Variants in CHRM2 observed in about 807,000 individuals in gnomAD.
CHRM2 encodes the protein muscarinic acetylcholine receptor M2.
In CHRM2, 8 loss-of-function variants were observed where a neutral mutation model predicts 25.0. The ratio of observed to expected loss-of-function variants is 0.32; its 90% CI spans 0.19 to 0.58. CHRM2 has a LOEUF of 0.58. CHRM2 is among the 20% of genes least tolerant of loss of function. CHRM2 has a pLI of 0.88. For missense variants in CHRM2, 440 were observed against 567.1 expected, an observed-to-expected ratio of 0.78 and a Z score of 2.28; for synonymous variants, 202 against 205.7, an observed-to-expected ratio of 0.98 and a Z score of 0.15.
intron 2 of CHRM2, among the ~76,000 whole-genome samples, chr7:136,883,271 G>A (rs1456203136): frequency 2.6e-5 from 4 of 152,116 alleles, no homozygotes; most frequent in African/African-American, 9.7e-5. Flanking sequence ...TTCAGCCTCC[G>A]GTGTCTCCCA....
At chr7:136,950,212 A>G (rs990498417) in intron 2 of CHRM2, among the ~76,000 whole-genome samples, 5 of 151,988 alleles carry the variant, frequency 3.3e-5, no homozygotes, top group African/African-American at 1.2e-4. Flanking sequence ...TGTTCTTTTT[A>G]TTAAGATCAT....
At chr7:136,966,243 G>A (rs935378637) in intron 2 of CHRM2, among the ~76,000 whole-genome samples, 10 of 151,408 alleles carry the variant, frequency 6.6e-5, no homozygotes, top group East Asian at 5.8e-4. Context: ...AAAAGAATGC[G>A]TTTTATTCTG....
At chr7:136,880,718 C>G (rs992118835) in intron 2 of CHRM2, among the ~76,000 whole-genome samples, 3 of 151,796 alleles carry the variant, frequency 2.0e-5, no homozygotes, top group Non-Finnish European at 4.4e-5. Context: ...CCCACACACA[C>G]CTACTCCCTT....
intron 2 of CHRM2, among the ~76,000 whole-genome samples, chr7:136,897,358 A>G (rs1785121211): frequency 6.6e-6 from 1 of 152,124 alleles, no homozygotes; most frequent in South Asian, 2.1e-4. Flanking sequence ...AGTTATCAGT[A>G]TATTAATCAC....
chr7:136,891,918 G>C (rs1796705524), intron 2 of CHRM2, among the ~76,000 whole-genome samples: 1 of 152,274 alleles, frequency 6.6e-6, no homozygotes, highest in Admixed American at 6.5e-5. Flanking sequence ...TCAGCACCTT[G>C]TCTGTTTCCC....
At chr7:136,950,107 G>A (rs1197942695) in intron 2 of CHRM2, among the ~76,000 whole-genome samples, 1 of 152,034 alleles carries the variant, frequency 6.6e-6, no homozygotes, top group African/African-American at 2.4e-5. Context: ...CTAATAATCT[G>A]ATTACTAATT....
chr7:136,881,794 A>G (rs1796275853), intron 2 of CHRM2, among the ~76,000 whole-genome samples: 7 of 152,036 alleles, frequency 4.6e-5, no homozygotes, highest in Admixed American at 4.6e-4. Flanking sequence ...CAAGTCTTCC[A>G]TTTCTCTGAG....
At chr7:136,915,336 CAG>C (rs1798049266) in intron 2 of CHRM2, among the ~76,000 whole-genome samples, 1 of 151,900 alleles carries the variant, frequency 6.6e-6, no homozygotes, top group Non-Finnish European at 1.5e-5. Context: ...TGCACACCAT[CAG>C]ATTGTTACTG....
At chr7:136,914,100 G>A (rs1797981399) in intron 2 of CHRM2, 1 of 151,866 alleles carries the variant, frequency 6.6e-6, no homozygotes, top group South Asian at 2.1e-4. Flanking sequence ...CTCGCATCAG[G>A]ATTCCAAAAA....
At chr7:136,871,723 G>C (rs1795847875) in intron 2 of CHRM2, 1 of 152,222 alleles carries the variant, frequency 6.6e-6, no homozygotes, top group East Asian at 1.9e-4. Context: ...ACAGGAGTAA[G>C]AACAATTGAC....
In CHRM2 at chr7:137,018,319, C is replaced by G. The variant is rs1419053260; in HGVS notation, c.*2053C>G. The G allele has an allele frequency of 1.3e-5, 2 of 151,864 alleles. No homozygotes were observed. Among genetic ancestry groups the G allele is most frequent in the African/African-American group, 4.8e-5 (2 of 41,406 alleles). The allele number at this position is 151,864 out of a possible 1,614,324, so 9.4% of individuals were successfully genotyped here. ...TTTAAATAACTTCAGTCATTACCCCCCCAAAGTAATCTTCCATATTTAAAG... is the reference window on the plus strand; with the variant it reads ...TTTAAATAACTTCAGTCATTACCCCGCCAAAGTAATCTTCCATATTTAAAG... On this transcript the variant is annotated 3_prime_UTR_variant, in exon 4 of 4. Transcript: ENST00000680005.
At chr7:136,871,639 A>G (rs547598439) in intron 2 of CHRM2, 1 of 152,568 alleles carries the variant, frequency 6.6e-6, no homozygotes, top group South Asian at 2.1e-4. Flanking sequence ...AGATGATGGT[A>G]TTTTTAAACA....
intron 2 of CHRM2, among the ~76,000 whole-genome samples, chr7:136,949,087 G>C (rs958892275): frequency 1.3e-5 from 2 of 152,100 alleles, no homozygotes; most frequent in African/African-American, 4.8e-5. Context: ...GACACTAGGC[G>C]GTGTCCTTGG....
In CHRM2 at chr7:137,020,044, T is replaced by C. The variant is rs1265443895; in HGVS notation, c.*3778T>C. The stretch of plus-strand genomic sequence containing the variant: ...AAGCTGGATGAAATTGTGCAAAGTG[T>C]ATTCTCAGCATGTATATTCAATACC... On this transcript the variant is annotated 3_prime_UTR_variant, in exon 4 of 4. Coordinates refer to ENST00000680005, the MANE Select transcript of CHRM2 (RefSeq NM_001006630.2). 1 of 151,870 alleles carries C rather than the reference T, an allele frequency of 6.6e-6. No homozygotes were observed. The highest frequency in any genetic ancestry group is 2.4e-5 in the African/African-American group (1 of 41,404). 9.4% of individuals were successfully genotyped at this position (151,870 alleles called of 1,614,324 possible).
chr7:136,986,483 G>A (rs1037671646), intron 2 of CHRM2, among the ~76,000 whole-genome samples: 4 of 152,078 alleles, frequency 2.6e-5, no homozygotes, highest in Admixed American at 2.0e-4. Context: ...AATCTGCAAG[G>A]TCCTGATCAC....
rs115705773 is a variant in CHRM2, at chr7:136,945,040, T to C, written c.-124-47147T>C. ...TTCCCATATGTTCGTTGGCCATTTGTGTATCTTGTCCTTAGCCCACTTTTT... is the reference window on the plus strand; with the variant it reads ...TTCCCATATGTTCGTTGGCCATTTGCGTATCTTGTCCTTAGCCCACTTTTT... On this transcript the variant is annotated intron_variant, in intron 2 of 3. Coordinates refer to ENST00000680005, the MANE Select transcript of CHRM2 (RefSeq NM_001006630.2). Among the ~76,000 whole-genome samples the C allele has an allele frequency of 1.6e-3, 250 of 151,796 alleles. 1 individual carries two copies. Among genetic ancestry groups the C allele is most frequent in the African/African-American group, 5.6e-3 (234 of 41,488 alleles).
chr7:136,946,160 T>C (rs1233102353), intron 2 of CHRM2, among the ~76,000 whole-genome samples: 2 of 152,146 alleles, frequency 1.3e-5, no homozygotes, highest in South Asian at 2.1e-4. Context: ...AATTAAGTTA[T>C]ATAATGTATG....
intron 2 of CHRM2, among the ~76,000 whole-genome samples, chr7:136,950,066 C>A (rs891485548): frequency 3.9e-5 from 6 of 152,012 alleles, no homozygotes; most frequent in Admixed American, 6.6e-5. Flanking sequence ...AAAATGATAC[C>A]TCATGGTGGT....
chr7:136,943,584 T>A (rs761406056), intron 2 of CHRM2, among the ~76,000 whole-genome samples: 25 of 152,184 alleles, frequency 1.6e-4, no homozygotes, highest in Non-Finnish European at 3.4e-4. Context: ...AATATTTTGT[T>A]GATCAAAAGT....
Sources: allele counts gnomAD v4.1 joint callset (sites outside exome capture counted in the v4.1 genomes callset), GRCh38; gene constraint gnomAD v4.1.1; transcripts MANE v1.5; gene names NCBI Gene and HGNC (gene_info 2026-07-23, HGNC 2026-07-21).